The following DNAH12 variants were observed in gnomAD, a reference collection of about 807,000 sequenced individuals.
The protein encoded by DNAH12 is axonemal beta dynein heavy chain 12.
Under a neutral mutation model 371.5 loss-of-function variants are expected in DNAH12, and 285 were observed. That is an observed-to-expected ratio of 0.77 (90% CI 0.70 to 0.85). DNAH12 has a LOEUF of 0.85. Among genes scored for constraint, DNAH12 ranks in the 40% least tolerant of loss-of-function variants. The probability of loss-of-function intolerance (pLI) is 0.00; values close to 1 mark genes in which losing one functional copy is unlikely to be tolerated. For missense variants in DNAH12, 3,611 were observed against 3,689.4 expected, an observed-to-expected ratio of 0.98 and a Z score of 0.55; for synonymous variants, 1,200 against 1,213.0, an observed-to-expected ratio of 0.99 and a Z score of 0.22.
chr3:57,425,821 C>G (rs910550313), intron 34 of DNAH12, among the ~76,000 whole-genome samples: 1 of 152,004 alleles, frequency 6.6e-6, no homozygotes, highest in African/African-American at 2.4e-5. Context: ...TTATGAAAAA[C>G]ATACTATACC....
chr3:57,409,466 T>C (rs916064569), intron 39 of DNAH12, among the ~76,000 whole-genome samples: 5 of 152,124 alleles, frequency 3.3e-5, no homozygotes, highest in Admixed American at 3.3e-4. Flanking sequence ...TATGGCTATT[T>C]GAGATAAATA....
chr3:57,527,202 C>T (rs2068678354), intron 2 of DNAH12, among the ~76,000 whole-genome samples: 1 of 152,104 alleles, frequency 6.6e-6, no homozygotes, highest in South Asian at 2.1e-4. Context: ...TCTTGCATTG[C>T]TATAAATAAC....
chr3:57,444,551 T>G, intron 29 of DNAH12, 146 bp downstream of exon 29: 1 of 1,209,400 alleles, frequency 8.3e-7, no homozygotes, highest in Non-Finnish European at 1.1e-6. Flanking sequence ...GTACCCAAAT[T>G]TACTTATTGT....
intron 17 of DNAH12, among the ~76,000 whole-genome samples, chr3:57,467,667 G>C (rs1194713180): frequency 7.2e-5 from 11 of 152,088 alleles, no homozygotes; most frequent in Admixed American, 7.2e-4. Flanking sequence ...ATAGGAAAAT[G>C]ACTTAGTGTC....
intron 8 of DNAH12, among the ~76,000 whole-genome samples, chr3:57,506,929 C>T (rs2153392619): frequency 6.6e-6 from 1 of 151,956 alleles, no homozygotes; most frequent in East Asian, 1.9e-4. Flanking sequence ...CAAGACATTC[C>T]TCATCTCTTT....
intron 2 of DNAH12, among the ~76,000 whole-genome samples, chr3:57,525,025 G>A (rs558330498): frequency 6.6e-6 from 1 of 151,408 alleles, no homozygotes; most frequent in South Asian, 2.1e-4. Context: ...GATGGCCAAA[G>A]AAAAAAGCAT....
rs529139921 is a variant in DNAH12, at chr3:57,433,771, C to T, written c.4713G>A (p.Ala1571=). Residue 1571 remains alanine, a synonymous_variant, in exon 31 of 74, where the codon GCG becomes GCA. Coordinates refer to ENST00000495027, the MANE Select transcript of DNAH12 (RefSeq NM_001366028.2). ...GTTCATTCATTAAAGTTAGCGTATC[C>T]GCCAGCACATGCAGAACTTTTGTCT... ...AAKTKVLHVL[A]DTLTLMNEHG... is the part of the protein sequence containing the mutation. 2.3e-5 allele frequency: 35 copies of T among 1,550,622 alleles called. No homozygotes were observed. The highest frequency in any genetic ancestry group is 5.9e-5 in the Admixed American group (3 of 50,842).
At chr3:57,297,009 T>G in intron 70 of DNAH12, 25 bp from the exon 71 acceptor site, 1 of 1,549,414 alleles carries the variant, frequency 6.5e-7, no homozygotes, top group Non-Finnish European at 8.7e-7. Context: ...CAAAACACAT[T>G]ATGTCAGTTT....
At chr3:57,521,491 C>T (rs1390057132) in intron 4 of DNAH12, among the ~76,000 whole-genome samples, 1 of 151,872 alleles carries the variant, frequency 6.6e-6, no homozygotes, top group Non-Finnish European at 1.5e-5. Flanking sequence ...AGAGAGACCC[C>T]TGTCTCTAAA....
chr3:57,302,529 G>GTTTTTATATATA (rs879293648), intron 69 of DNAH12, among the ~76,000 whole-genome samples: 21 of 47,856 alleles, frequency 4.4e-4, no homozygotes, highest in East Asian at 2.3e-3. Flanking sequence ...GGCATCAGGT[G>GTTTTTATATATA]TATATATATA....
chr3:57,542,418 C>A (rs1476316424), intron 2 of DNAH12, among the ~76,000 whole-genome samples: 1 of 152,164 alleles, frequency 6.6e-6, no homozygotes, highest in Non-Finnish European at 1.5e-5. Flanking sequence ...AGTTACTTAA[C>A]TTCTCTATAC....
chr3:57,334,648 GA>G (rs1559562911), intron 61 of DNAH12, 39 bp from the exon 62 acceptor site: 2 of 1,519,498 alleles, frequency 1.3e-6, no homozygotes, highest in Non-Finnish European at 1.8e-6. Flanking sequence ...TTTTTATTGG[GA>G]AAAACTTAAA....
rs1472161197 is a variant in DNAH12 at position 57,314,537 on chromosome 3, C to T, written c.10619G>A (p.Gly3540Glu). The change falls in exon 66 of 74, where the codon GGA becomes GAA. Residue 3540 changes from glycine to glutamate, a missense_variant. By Grantham distance (98) the Gly-to-Glu change is moderately conservative. Transcript: ENST00000495027. The part of the protein sequence containing the change: ...FGPLGWNIPY[G>E]FNESDLRISI... ...GATGCGCAAGTCAGATTCATTAAAT[C>T]CATATGGAATATTCCAACCAAGAGG... 4.5e-6 allele frequency: 7 copies of T among 1,551,090 alleles called. No homozygotes were observed. The East Asian group carries it at 1.7e-4, about 38-fold the overall frequency.
intron 55 of DNAH12, among the ~76,000 whole-genome samples, chr3:57,369,339 T>C (rs1245081983): frequency 6.9e-5 from 7 of 101,654 alleles, no homozygotes; most frequent in East Asian, 2.6e-4. Context: ...TATTTATAAA[T>C]ATTTAAATAA....
intron 4 of DNAH12, among the ~76,000 whole-genome samples, chr3:57,518,080 A>C (rs1029548562): frequency 2.0e-5 from 3 of 151,580 alleles, no homozygotes; most frequent in Admixed American, 2.0e-4. Flanking sequence ...AAAAAAAAAA[A>C]CTTTCTATAT....
chr3:57,351,687 C>T (rs1553660340), intron 60 of DNAH12, among the ~76,000 whole-genome samples: 1 of 152,104 alleles, frequency 6.6e-6, no homozygotes, highest in African/African-American at 2.4e-5. Flanking sequence ...TGCTTTCATT[C>T]ATATATGTAA....
chr3:57,461,536 T>C lies in DNAH12; in HGVS notation c.2689A>G (p.Thr897Ala). Reference protein sequence around the residue: ...ILDDQIIKTQTMRGSPFIKPF... With the variant: ...ILDDQIIKTQAMRGSPFIKPF... The stretch of plus-strand genomic sequence containing the variant: ...TTGATGAAAGGTGAGCCTCTCATTG[T>C]CTGAGTTTTTATAATTTGATCATCA... The change falls in exon 19 of 74, where the codon ACA becomes GCA. Residue 897 changes from threonine (T) to alanine (A), a missense_variant. By Grantham distance (58) the Thr-to-Ala change is moderately conservative (BLOSUM62 0). Around this residue, in one of 3 missense-constraint regions of DNAH12, gnomAD observed 1,314 missense variants for 1,398.7 expected, o/e 0.94. Transcript: ENST00000495027. 6.4e-7 allele frequency: 1 copy of C among 1,551,392 alleles called. No homozygotes were observed. The highest frequency in any genetic ancestry group is 8.7e-7 in the Non-Finnish European group (1 of 1,146,838).
Position 57,504,100 on chromosome 3 carries a change from G to C in DNAH12, c.1002C>G (p.Asp334Glu). 2 of 1,613,712 alleles carry C rather than the reference G, an allele frequency of 1.2e-6. No individual in the cohort carries two copies. Among genetic ancestry groups the C allele is most frequent in the Non-Finnish European group, 1.7e-6 (2 of 1,179,806 alleles). The change falls in exon 9 of 74, where the codon GAC (aspartate) becomes GAG (glutamate). Residue 334 changes from aspartate (D) to glutamate (E), a missense_variant. By Grantham distance (45) the Asp-to-Glu change is conservative (BLOSUM62 2). This residue lies in a region of DNAH12 where 1,314 missense variants were observed against 1,398.7 expected (regional missense o/e 0.94). Transcript: ENST00000495027. ...PIFKIELTFD[D>E]DKMEFYPTFQ... is the part of the protein sequence containing the mutation. ...AGGTAGGATAAAATTCCATTTTGTC[G>C]TCATCAAATGTCAATTCTATCTTAA...
At chr3:57,547,743 A>C (rs2069590739), upstream of DNAH12, among the ~76,000 whole-genome samples, 1 of 152,230 alleles carries the variant, frequency 6.6e-6, no homozygotes, top group African/African-American at 2.4e-5. Context: ...CGTTTCAAGC[A>C]AAAAAGTCAT....
Sources: gnomAD v4.1 joint callset for allele counts (sites outside exome capture counted in the v4.1 genomes callset) on GRCh38, gnomAD v4.1.1 for gene constraint, gnomAD v4.1.1 regional missense constraint, MANE v1.5 for transcripts, NCBI Gene and HGNC (gene_info 2026-07-23, HGNC 2026-07-21) for gene names.